The following LIPA variants were observed in gnomAD, a reference collection of about 807,000 sequenced individuals.
LIPA encodes lipase A, lysosomal acid type.
A neutral mutation model predicts 40.6 loss-of-function variants in LIPA; 26 were observed. That is an observed-to-expected ratio of 0.64 (90% CI 0.47 to 0.89). The LOEUF (loss-of-function observed/expected upper bound fraction) is 0.89, where lower values mean the gene tolerates loss of function less well. Among genes scored for constraint, LIPA ranks in the 40% least tolerant of loss-of-function variants. LIPA has a pLI of 0.00. For missense variants in LIPA, 455 were observed against 479.6 expected (o/e 0.95, Z 0.48); for synonymous variants, 188 against 168.4 (o/e 1.12, Z -0.90).
chr10:89,261,513 A>T (rs910294055), intron 1 of LIPA, among the ~76,000 whole-genome samples: 31 of 152,186 alleles, frequency 2.0e-4, no homozygotes, highest in African/African-American at 6.3e-4. Flanking sequence ...TCAAAAAAAT[A>T]AATTAATTAA....
At position 89,311,627 on chromosome 10, in the gene LIPA, T is replaced by C. The variant is rs560474529; in HGVS notation, c.-2+30984A>G. Among the ~76,000 whole-genome samples the C allele has an allele frequency of 5.9e-5, 9 of 152,248 alleles. No homozygotes were observed. In the East Asian group the frequency reaches 9.6e-4, roughly 16 times the overall value. On this transcript the variant is annotated intron_variant, in intron 1 of 5. Transcript: ENST00000282673. ...GCTTTAAAACATATGTATAAAACTTTGTAATATATCTTCTAATTGTTGATT... is the reference window on the plus strand; with the variant it reads ...GCTTTAAAACATATGTATAAAACTTCGTAATATATCTTCTAATTGTTGATT...
upstream of LIPA, among the ~76,000 whole-genome samples, chr10:89,252,725 G>A (rs1362162373): frequency 6.8e-6 from 1 of 147,128 alleles, no homozygotes; most frequent in African/African-American, 2.5e-5. Flanking sequence ...AAAATGGCTT[G>A]AACCAGGTAG....
chr10:89,324,000 C>G (rs1439803670), intron 1 of LIPA, among the ~76,000 whole-genome samples: 16 of 152,286 alleles, frequency 1.1e-4, no homozygotes, highest in African/African-American at 2.9e-4. Flanking sequence ...AAGCTGGAGG[C>G]ATCATGTTAC....
intron 1 of LIPA, among the ~76,000 whole-genome samples, chr10:89,318,957 A>G (rs558264655): frequency 2.0e-5 from 3 of 152,344 alleles, no homozygotes; most frequent in African/African-American, 7.2e-5. Context: ...GTGCTCCTGA[A>G]TGACTACTGG....
Position 89,225,149 on chromosome 10 carries a change from G to C in LIPA, c.618C>G (p.Val206=), listed in dbSNP as rs763651849. Residue 206 remains valine (V), a synonymous_variant, in exon 6 of 10, where the codon GTC becomes GTG. Transcript: ENST00000336233. ...TGGCCATAGGGCTAGTACAGAAGGC[G>C]ACGGAAGCCACAGGACCCAGGGCAA... The part of the protein sequence containing the change: ...MFFALGPVAS[V]AFCTSPMAKL... The C allele has an allele frequency of 6.2e-7, 1 of 1,614,162 alleles. No homozygotes were observed. Among genetic ancestry groups the C allele is most frequent in the East Asian group, 2.2e-5 (1 of 44,886 alleles).
At chr10:89,400,743 T>G (rs570727274) in intron 2 of LIPA, among the ~76,000 whole-genome samples, 1 of 152,356 alleles carries the variant, frequency 6.6e-6, no homozygotes, top group African/African-American at 2.4e-5. Context: ...CCAACTTGGA[T>G]GTCTTGTATT....
At chr10:89,304,715 A>C (rs1041017515) in intron 1 of LIPA, among the ~76,000 whole-genome samples, 1 of 152,212 alleles carries the variant, frequency 6.6e-6, no homozygotes, top group Non-Finnish European at 1.5e-5. Context: ...TTCGAAATAC[A>C]GGCTTTTGCT....
chr10:89,221,866 A>T (rs912886235), intron 8 of LIPA, among the ~76,000 whole-genome samples: 5 of 152,204 alleles, frequency 3.3e-5, no homozygotes, highest in Admixed American at 2.6e-4. Context: ...ATGGATATGC[A>T]TTTCCTCTCT....
intron 1 of LIPA, among the ~76,000 whole-genome samples, chr10:89,334,621 T>C (rs1843706029): frequency 6.7e-6 from 1 of 149,732 alleles, no homozygotes; most frequent in South Asian, 2.1e-4. Flanking sequence ...GCTTCCCGAG[T>C]AGCTGGGATT....
At chr10:89,385,007 T>C (rs1045454231) in intron 2 of LIPA, 4 of 398,320 alleles carry the variant, frequency 1.0e-5, no homozygotes, top group Non-Finnish European at 1.8e-5. Context: ...TCTTGGAACA[T>C]AGCAAGTAGT....
intron 8 of LIPA, 60 bp from the exon 9 acceptor site, chr10:89,216,069 A>G (rs1842622627): frequency 1.8e-6 from 2 of 1,118,218 alleles, no homozygotes; most frequent in African/African-American, 1.5e-5. Flanking sequence ...ATAACATCAT[A>G]GGTTGCTGGA....
chr10:89,339,991 C>G, intron 1 of LIPA: 1 of 1,614,202 alleles, frequency 6.2e-7, no homozygotes, highest in South Asian at 1.1e-5. Context: ...GGGCCGCCTG[C>G]TAAGGGATGC....
chr10:89,290,690 C>A (rs1244301207), intron 1 of LIPA, among the ~76,000 whole-genome samples: 4 of 152,196 alleles, frequency 2.6e-5, no homozygotes, highest in Non-Finnish European at 5.9e-5. Flanking sequence ...GCACTGAGCA[C>A]CTGGTGACCC....
At chr10:89,288,734 C>T (rs1428063945) in intron 1 of LIPA, among the ~76,000 whole-genome samples, 1 of 152,142 alleles carries the variant, frequency 6.6e-6, no homozygotes, top group Non-Finnish European at 1.5e-5. Context: ...ATCATTGAGG[C>T]TACCACTCTG....
rs951955668 is a variant in LIPA at position 89,354,298 on chromosome 10, G to A, written c.61+58493C>T. On this transcript the variant is annotated intron_variant, in intron 2 of 8. Transcript: ENST00000371837. ...TGCCACCTTTCTGAACCAAATCAAC[G>A]TACATCTTACATGTACTGATTGATG... Among the ~76,000 whole-genome samples the A allele has an allele frequency of 2.6e-5, 4 of 152,130 alleles. No individual in the cohort carries two copies. The East Asian group carries it at 5.8e-4, about 22-fold the overall frequency.
chr10:89,242,207 G>A (rs188536461), intron 3 of LIPA, among the ~76,000 whole-genome samples: 1 of 152,296 alleles, frequency 6.6e-6, no homozygotes, highest in African/African-American at 2.4e-5. Flanking sequence ...ATTCCCTTCA[G>A]GAGCAAAGCA....
At chr10:89,391,993 T>C (rs376661118) in intron 2 of LIPA, among the ~76,000 whole-genome samples, 2 of 152,332 alleles carry the variant, frequency 1.3e-5, no homozygotes, top group South Asian at 2.1e-4. Context: ...GTGTCCATGA[T>C]GGAGCAATAG....
At chr10:89,304,303 G>T (rs1843464155) in intron 1 of LIPA, among the ~76,000 whole-genome samples, 1 of 152,064 alleles carries the variant, frequency 6.6e-6, no homozygotes, top group African/African-American at 2.4e-5. Context: ...TGGTTATCAG[G>T]CATCCTAATG....
chr10:89,287,181 C>T (rs1041839519), intron 1 of LIPA, among the ~76,000 whole-genome samples: 9 of 152,206 alleles, frequency 5.9e-5, no homozygotes, highest in African/African-American at 1.9e-4. Flanking sequence ...TGACACTGCC[C>T]GATCACCTGA....
Sources: gnomAD v4.1 joint callset for allele counts (sites outside exome capture counted in the v4.1 genomes callset) on GRCh38, gnomAD v4.1.1 for gene constraint, MANE v1.5 for transcripts, NCBI Gene and HGNC (gene_info 2026-07-23, HGNC 2026-07-21) for gene names.